Variants in PLEKHH2 observed in about 807,000 individuals in gnomAD.
PLEKHH2 encodes the protein pleckstrin homology domain-containing family H member 2.
A neutral mutation model predicts 187.9 loss-of-function variants in PLEKHH2; 129 were observed. That is an observed-to-expected ratio of 0.69 (90% CI 0.59 to 0.79). The LOEUF is 0.79. Ranked by LOEUF, PLEKHH2 falls within the 30% of genes least tolerant of loss-of-function variation. The probability of loss-of-function intolerance (pLI) is 0.00; values close to 1 mark genes in which losing one functional copy is unlikely to be tolerated. For synonymous variants in PLEKHH2, 686 were observed against 605.6 expected, an observed-to-expected ratio of 1.13 and a Z score of -1.95; for missense variants, 2,076 against 1,751.2, an observed-to-expected ratio of 1.19 and a Z score of -3.31.
At chr2:43,637,915 C>T (rs536889163) in intron 1 of PLEKHH2, among the ~76,000 whole-genome samples, 2 of 152,320 alleles carry the variant, frequency 1.3e-5, no homozygotes, top group East Asian at 3.9e-4. Context: ...ACCACTGTCC[C>T]CGAAGTTAGT....
At chr2:43,684,895 C>T (rs1214552211) in intron 3 of PLEKHH2, among the ~76,000 whole-genome samples, 1 of 149,242 alleles carries the variant, frequency 6.7e-6, no homozygotes, top group African/African-American at 2.5e-5. Flanking sequence ...GTAGGCATTT[C>T]TTTTTGTCAC....
chr2:43,712,202 A>C (rs778353099), intron 14 of PLEKHH2, 23 bp from the exon 15 acceptor site: 2 of 1,605,496 alleles, frequency 1.2e-6, no homozygotes, highest in African/African-American at 2.7e-5. Flanking sequence ...TTTCTTTCCT[A>C]TACCTTTCTC....
intron 3 of PLEKHH2, chr2:43,692,091 C>T (rs1473126482): frequency 1.3e-5 from 2 of 152,468 alleles, no homozygotes; most frequent in African/African-American, 4.8e-5. Context: ...CACCTAGGTT[C>T]AAGTTTTTTC....
rs1027972717 is a variant in PLEKHH2, at chr2:43,766,113, C to A, written c.*515C>A. 1 of 152,932 alleles carries A rather than the reference C, an allele frequency of 6.5e-6. No homozygotes were observed. The allele number at this position is 152,932 out of a possible 1,614,324, so 9.5% of individuals were successfully genotyped here. On this transcript the variant is annotated 3_prime_UTR_variant, in exon 30 of 30. Coordinates refer to ENST00000282406, the MANE Select transcript of PLEKHH2 (RefSeq NM_172069.4). ...CTGCTGCAGAGTGGTGCGAGGAGTA[C>A]ATTTTCAGAGCAGGTGCAGTACATC...
At chr2:43,650,577 G>A (rs1666419076) in intron 2 of PLEKHH2, among the ~76,000 whole-genome samples, 3 of 151,940 alleles carry the variant, frequency 2.0e-5, no homozygotes, top group African/African-American at 7.2e-5. Flanking sequence ...TTATTGTCCA[G>A]CTTGAATGAT....
chr2:43,675,604 C>T, intron 2 of PLEKHH2: 2 of 1,613,610 alleles, frequency 1.2e-6, no homozygotes, highest in Non-Finnish European at 1.7e-6. Context: ...AAATACATCT[C>T]TTCCTTCATA....
intron 17 of PLEKHH2, among the ~76,000 whole-genome samples, chr2:43,727,109 C>T (rs1328624410): frequency 6.6e-6 from 1 of 151,996 alleles, no homozygotes; most frequent in East Asian, 1.9e-4. Flanking sequence ...ATCAGAAGTA[C>T]TTTCTAAGAA....
At chr2:43,676,518 C>A (rs979056716) in intron 2 of PLEKHH2, among the ~76,000 whole-genome samples, 3 of 152,018 alleles carry the variant, frequency 2.0e-5, no homozygotes, top group Admixed American at 2.0e-4. Flanking sequence ...GTCCGGGCTG[C>A]TGCGGGTGAG....
At chr2:43,747,109 CCTCTCT>C (rs10696940) in intron 24 of PLEKHH2, among the ~76,000 whole-genome samples, 2,054 of 126,254 alleles carry the variant, frequency 0.016, 95 homozygotes, top group East Asian at 0.09. Context: ...TCTCTCTCTC[CCTCTCT>C]CTCTCTCTCT....
intron 19 of PLEKHH2, among the ~76,000 whole-genome samples, chr2:43,733,415 C>G (rs1354345212): frequency 6.6e-6 from 1 of 151,878 alleles, no homozygotes; most frequent in African/African-American, 2.4e-5. Context: ...CCTTTCTCCT[C>G]CACTCCTCCA....
At chr2:43,643,530 G>C (rs1046058475) in intron 1 of PLEKHH2, among the ~76,000 whole-genome samples, 1 of 152,082 alleles carries the variant, frequency 6.6e-6, no homozygotes, top group African/African-American at 2.4e-5. Context: ...TTAAAAACTG[G>C]TGTAGGATTA....
intron 2 of PLEKHH2, among the ~76,000 whole-genome samples, chr2:43,672,774 C>G (rs1402902667): frequency 6.6e-6 from 1 of 152,046 alleles, no homozygotes. Context: ...TGCCATTATT[C>G]TCTTCCTTTT....
Position 43,712,215 on chromosome 2 carries a change from T to G in PLEKHH2, c.2302-10T>G. 6.2e-7 allele frequency: 1 copy of G among 1,610,654 alleles called. No individual in the cohort carries two copies. ...GTTTTCTTTCCTATACCTTTCTCGT[T>G]GCATTCTAGTTGACCACTGAAAAAC... On this transcript the variant is annotated splice_polypyrimidine_tract_variant and intron_variant, in intron 14 of 29. Coordinates refer to ENST00000282406, the MANE Select transcript of PLEKHH2 (RefSeq NM_172069.4).
At chr2:43,763,258 C>G (rs1032667019) in intron 28 of PLEKHH2, among the ~76,000 whole-genome samples, 2 of 152,290 alleles carry the variant, frequency 1.3e-5, no homozygotes, top group Admixed American at 6.5e-5. Context: ...AACTAGCTCC[C>G]TAGCTCCCAG....
At position 43,729,638 on chromosome 2, in the gene PLEKHH2, A is replaced by T; in HGVS notation, c.2723A>T (p.Asp908Val). Residue 908 changes from aspartate to valine, a missense_variant and splice_region_variant, in exon 18 of 30, where the codon GAC becomes GTC. Physicochemically the swap from Asp to Val is radical, Grantham distance 152 (BLOSUM62 -3). Coordinates refer to ENST00000282406, the MANE Select transcript of PLEKHH2 (RefSeq NM_172069.4). ...TAATTAATATGTTCTGGTTTTAAGG[A>T]CACTTGGCTTTATCATCTGACTGTT... ...YLLIGSKHEKDTWLYHLTVAA... is the reference protein window; with the variant it reads ...YLLIGSKHEKVTWLYHLTVAA... 1 of 1,583,402 alleles carries T rather than the reference A, an allele frequency of 6.3e-7. No individual in the cohort carries two copies. The highest frequency in any genetic ancestry group is 1.2e-5 in the South Asian group (1 of 85,212).
intron 2 of PLEKHH2, among the ~76,000 whole-genome samples, chr2:43,647,169 A>C (rs1043215411): frequency 7.9e-5 from 12 of 152,204 alleles, no homozygotes; most frequent in African/African-American, 2.9e-4. Context: ...GAAGTAATAC[A>C]TTTTATTGTG....
intron 1 of PLEKHH2, among the ~76,000 whole-genome samples, chr2:43,640,873 C>T (rs964128832): frequency 1.3e-5 from 2 of 151,708 alleles, no homozygotes; most frequent in African/African-American, 4.8e-5. Context: ...CAGCTTCGAC[C>T]TCCTGGGCTC....
At chr2:43,753,508 C>A in intron 24 of PLEKHH2, 111 bp from the exon 25 acceptor site, 1 of 741,682 alleles carries the variant, frequency 1.3e-6, no homozygotes, top group Non-Finnish European at 2.0e-6. Context: ...AAGTTCATAC[C>A]ACTTAGAGTA....
At chr2:43,693,440 T>C (rs1455208710) in intron 4 of PLEKHH2, among the ~76,000 whole-genome samples, 1 of 152,152 alleles carries the variant, frequency 6.6e-6, no homozygotes, top group Non-Finnish European at 1.5e-5. Context: ...TCAAGTAATC[T>C]AGTTTAAAAA....
Sources: allele counts gnomAD v4.1 joint callset (sites outside exome capture counted in the v4.1 genomes callset), GRCh38; gene constraint gnomAD v4.1.1; transcripts MANE v1.5; gene names NCBI Gene and HGNC (gene_info 2026-07-23, HGNC 2026-07-21).